KCNQ3: variants seen among roughly 807,000 people sequenced by gnomAD.
KCNQ3 encodes the protein potassium voltage-gated channel subfamily KQT member 3.
KCNQ3 carries 30 observed loss-of-function variants against 92.5 expected under a neutral mutation model. The observed-to-expected ratio is 0.32, with a 90% confidence interval of 0.24 to 0.44. The LOEUF is 0.44. Among genes scored for constraint, KCNQ3 ranks in the 20% least tolerant of loss-of-function variants. The pLI is 1.00. For missense variants in KCNQ3, 913 were observed against 1,140.3 expected, an observed-to-expected ratio of 0.80 and a Z score of 2.87; for synonymous variants, 450 against 468.8, an observed-to-expected ratio of 0.96 and a Z score of 0.52.
intron 1 of KCNQ3, among the ~76,000 whole-genome samples, chr8:132,237,832 A>G (rs934740135): frequency 1.3e-5 from 2 of 152,248 alleles, no homozygotes; most frequent in African/African-American, 4.8e-5. Flanking sequence ...AGAACAAAAC[A>G]AAACTAGAGC....
chr8:132,286,910 G>C (rs918012659), intron 1 of KCNQ3, among the ~76,000 whole-genome samples: 1 of 152,108 alleles, frequency 6.6e-6, no homozygotes, highest in Admixed American at 6.5e-5. Flanking sequence ...CTCCCATTTT[G>C]CTCACTTTAC....
At chr8:132,364,694 C>CGGATGGAT (rs10691178) in intron 1 of KCNQ3, among the ~76,000 whole-genome samples, 2,579 of 138,006 alleles carry the variant, frequency 0.019, 72 homozygotes, top group African/African-American at 0.058. Context: ...GACGGACGGA[C>CGGATGGAT]GGATGGATGG....
Position 132,129,654 on chromosome 8 carries a change from C to T in KCNQ3, c.2227G>A (p.Glu743Lys), listed in dbSNP as rs762898096. The T allele has an allele frequency of 6.2e-7, 1 of 1,614,170 alleles. No homozygotes were observed. Among genetic ancestry groups the T allele is most frequent in the South Asian group, 1.1e-5 (1 of 91,064 alleles). ...TPPSSATTYV[E>K]RPTVLPILTL... ...AAGATAGGCAGGACCGTGGGCCTCT[C>T]CACATACGTTGTTGCTGAGGAAGGA... is the stretch of plus-strand genomic sequence containing the variant. Residue 743 changes from glutamate (E) to lysine (K), a missense_variant, in exon 15 of 15, where the codon GAG (glutamate) becomes AAG (lysine). This residue lies in a region of KCNQ3 where 375 missense variants were observed against 376.4 expected (regional missense o/e 1.00). Coordinates refer to ENST00000388996, the MANE Select transcript of KCNQ3 (RefSeq NM_004519.4). This position sits in a 1 kb window ranked among gnomAD's most constrained non-coding sequence, Gnocchi z 5.9.
At chr8:132,430,663 A>T (rs930201100) in intron 1 of KCNQ3, among the ~76,000 whole-genome samples, 1 of 152,224 alleles carries the variant, frequency 6.6e-6, no homozygotes, top group African/African-American at 2.4e-5. Flanking sequence ...ACCGGTCATC[A>T]CCAGGAGTTC....
At chr8:132,154,744 C>T (rs1226791794) in intron 9 of KCNQ3, among the ~76,000 whole-genome samples, 1 of 152,124 alleles carries the variant, frequency 6.6e-6, no homozygotes, top group African/African-American at 2.4e-5. Flanking sequence ...TAACGGGAAC[C>T]CCTCTCACTT....
chr8:132,182,825 C>G (rs1281834373), intron 3 of KCNQ3, among the ~76,000 whole-genome samples: 1 of 151,464 alleles, frequency 6.6e-6, no homozygotes, highest in Non-Finnish European at 1.5e-5. Flanking sequence ...TGAAAGAGGG[C>G]AAACGAAGAG....
chr8:132,175,692 G>T, intron 4 of KCNQ3, 84 bp from the exon 5 acceptor site: 1 of 1,338,460 alleles, frequency 7.5e-7, no homozygotes, highest in Non-Finnish European at 1.1e-6. Flanking sequence ...CAGAGTTAGA[G>T]TCCAAGTTTA....
chr8:132,453,415 C>T (rs1361759705), intron 1 of KCNQ3, among the ~76,000 whole-genome samples: 1 of 152,134 alleles, frequency 6.6e-6, no homozygotes, highest in African/African-American at 2.4e-5. Flanking sequence ...GGAGATGAGG[C>T]CTGAGAGGTC....
chr8:132,434,018 CT>C (rs1480042108), intron 1 of KCNQ3, among the ~76,000 whole-genome samples: 1 of 152,008 alleles, frequency 6.6e-6, no homozygotes, highest in African/African-American at 2.4e-5. Context: ...ACCATCCCGG[CT>C]AAAACGGTGA....
intron 1 of KCNQ3, among the ~76,000 whole-genome samples, chr8:132,457,541 T>C (rs1821970140): frequency 3.9e-5 from 6 of 152,152 alleles, no homozygotes; most frequent in Admixed American, 3.9e-4. Context: ...CACCAAGCCT[T>C]TGTCAGTGAC....
chr8:132,335,638 C>T (rs1020356309), intron 1 of KCNQ3, among the ~76,000 whole-genome samples: 1 of 152,094 alleles, frequency 6.6e-6, no homozygotes, highest in African/African-American at 2.4e-5. Flanking sequence ...TTCCTTACAA[C>T]TGAAAAAAGG....
At chr8:132,329,156 G>A (rs981589819) in intron 1 of KCNQ3, among the ~76,000 whole-genome samples, 4 of 152,162 alleles carry the variant, frequency 2.6e-5, no homozygotes, top group South Asian at 2.1e-4. Context: ...AGCAGGTAAC[G>A]CCGGGAGATC....
At chr8:132,159,296 C>T (rs1825910624) in intron 9 of KCNQ3, among the ~76,000 whole-genome samples, 1 of 152,108 alleles carries the variant, frequency 6.6e-6, no homozygotes, top group Non-Finnish European at 1.5e-5. Context: ...TGTTTCGTCC[C>T]TCATTCTTTG....
At chr8:132,183,240 G>A (rs1015197776) in intron 3 of KCNQ3, among the ~76,000 whole-genome samples, 31 of 152,040 alleles carry the variant, frequency 2.0e-4, no homozygotes, top group Non-Finnish European at 3.8e-4. Flanking sequence ...CACTGATGAC[G>A]TTGTTTCTTG....
chr8:132,141,138 T>C lies in KCNQ3; in HGVS notation c.1456A>G (p.Ser486Gly). 2 of 1,614,144 alleles carry C rather than the reference T, an allele frequency of 1.2e-6. No individual in the cohort carries two copies. Among genetic ancestry groups the C allele is most frequent in the South Asian group, 2.2e-5 (2 of 91,080 alleles). The change falls in exon 10 of 15, where the codon AGT (serine) becomes GGT (glycine). Residue 486 changes from serine (S) to glycine (G), a missense_variant. This residue lies in a region of KCNQ3 where 182 missense variants were observed against 234.5 expected (regional missense o/e 0.78). Coordinates refer to ENST00000388996, the MANE Select transcript of KCNQ3 (RefSeq NM_004519.4). ...GATAAAAAGGCATTACCTTCAGAAC[T>C]CTGCCAGAAAGCGTAGGCTTTCATG... ...FRMKAYAFWQSSEDAGTGDPM... is the reference protein window; with the variant it reads ...FRMKAYAFWQGSEDAGTGDPM...
At chr8:132,291,436 G>A (rs1255469884) in intron 1 of KCNQ3, among the ~76,000 whole-genome samples, 2 of 152,122 alleles carry the variant, frequency 1.3e-5, no homozygotes, top group East Asian at 3.8e-4. Flanking sequence ...GGACATTGCC[G>A]ATGTCAAATC....
intron 4 of KCNQ3, among the ~76,000 whole-genome samples, chr8:132,178,786 G>A (rs1355753071): frequency 1.3e-5 from 2 of 151,754 alleles, no homozygotes; most frequent in Admixed American, 1.3e-4. Flanking sequence ...GCATGGTCAC[G>A]TTAACATGCA....
At chr8:132,153,158 G>C (rs894217837) in intron 9 of KCNQ3, among the ~76,000 whole-genome samples, 4 of 152,186 alleles carry the variant, frequency 2.6e-5, no homozygotes, top group African/African-American at 9.7e-5. Flanking sequence ...AAACAAGAGG[G>C]ATGGGTAATG....
In KCNQ3 at chr8:132,124,132, T is replaced by G. The variant is rs1027063131; in HGVS notation, c.*5130A>C. ...TGAGATCCAACATTCCTGCCTCTCT[T>G]CATTCCAAGATTCCTTCTGTTCTTT... On this transcript the variant is annotated 3_prime_UTR_variant, in exon 15 of 15. Transcript: ENST00000388996. 6.6e-6 allele frequency: 1 copy of G among 152,240 alleles called. No individual in the cohort carries two copies. Among genetic ancestry groups the G allele is most frequent in the Admixed American group, 6.5e-5 (1 of 15,288 alleles). 9.4% of individuals were successfully genotyped at this position (152,240 alleles called of 1,614,324 possible). A position where few individuals can be genotyped will look rare whatever the true frequency, so the allele number is the denominator to read the frequency against.
Sources: allele counts gnomAD v4.1 joint callset (sites outside exome capture counted in the v4.1 genomes callset), GRCh38; gene constraint gnomAD v4.1.1; regional missense constraint gnomAD v4.1.1; non-coding constraint Gnocchi (gnomAD v3.1); transcripts MANE v1.5; gene names NCBI Gene and HGNC (gene_info 2026-07-23, HGNC 2026-07-21).